The following CDH13 variants were observed in gnomAD, a reference collection of about 807,000 sequenced individuals.
CDH13 encodes cadherin 13.
CDH13 carries 24 observed loss-of-function variants against 63.8 expected under a neutral mutation model. The observed-to-expected ratio is 0.38, with a 90% CI of 0.27 to 0.53. The LOEUF is 0.53. Among genes scored for constraint, CDH13 ranks in the 20% least tolerant of loss-of-function variants. The pLI, the probability that CDH13 is intolerant of heterozygous loss-of-function variation, is 0.85. For missense variants in CDH13, 1,049 were observed against 903.1 expected, an observed-to-expected ratio of 1.16 and a Z score of -2.07; for synonymous variants, 503 against 355.3, an observed-to-expected ratio of 1.42 and a Z score of -4.67.
At chr16:83,081,311 A>G (rs949724267) in intron 3 of CDH13, among the ~76,000 whole-genome samples, 7 of 152,150 alleles carry the variant, frequency 4.6e-5, no homozygotes, top group African/African-American at 1.7e-4. Context: ...TGGGATAGAC[A>G]TGGTCTATAT....
intron 7 of CDH13, among the ~76,000 whole-genome samples, chr16:83,517,207 G>A (rs2074717020): frequency 2.0e-5 from 3 of 152,190 alleles, no homozygotes; most frequent in Admixed American, 6.5e-5. Context: ...GCTTAGAAGT[G>A]CTTGCAAGAC....
chr16:83,625,206 G>GTGTGTGTGTGTGCTCATGTA (rs1555505975), intron 8 of CDH13, among the ~76,000 whole-genome samples: 2 of 149,754 alleles, frequency 1.3e-5, no homozygotes, highest in African/African-American at 5.0e-5. Context: ...GTGTGTGCAT[G>GTGTGTGTGTGTGCTCATGTA]TGTGTGTGCA....
intron 7 of CDH13, among the ~76,000 whole-genome samples, chr16:83,528,629 A>G (rs1161024002): frequency 6.6e-6 from 1 of 152,160 alleles, no homozygotes; most frequent in Non-Finnish European, 1.5e-5. Flanking sequence ...TAAATTCTCC[A>G]ACTGTTTCCA....
intron 2 of CDH13, among the ~76,000 whole-genome samples, chr16:82,959,542 TG>T (rs1906638177): frequency 6.6e-6 from 1 of 152,196 alleles, no homozygotes; most frequent in Non-Finnish European, 1.5e-5. Context: ...CCACAAAAGT[TG>T]GATCTCTCCA....
intron 2 of CDH13, among the ~76,000 whole-genome samples, chr16:82,921,616 A>C (rs2042157246): frequency 6.6e-6 from 1 of 152,192 alleles, no homozygotes; most frequent in Admixed American, 6.5e-5. Flanking sequence ...ACCCATTATC[A>C]GTCTACTAAC....
At chr16:83,628,940 T>A (rs1263632006) in intron 8 of CDH13, among the ~76,000 whole-genome samples, 1 of 152,256 alleles carries the variant, frequency 6.6e-6, no homozygotes, top group Non-Finnish European at 1.5e-5. Context: ...AGGATTGTTG[T>A]ATTTGCACCA....
intron 7 of CDH13, among the ~76,000 whole-genome samples, chr16:83,555,777 G>A (rs1424285175): frequency 6.6e-6 from 1 of 152,202 alleles, no homozygotes; most frequent in African/African-American, 2.4e-5. Flanking sequence ...ATGTTGGATA[G>A]TCTGTCTGCT....
intron 5 of CDH13, among the ~76,000 whole-genome samples, chr16:83,313,487 G>C (rs2090042219): frequency 6.6e-6 from 1 of 151,986 alleles, no homozygotes; most frequent in Admixed American, 6.6e-5. Context: ...GCTAATAATT[G>C]AATAAAGCAA....
chr16:83,421,145 A>T (rs1196413194), intron 6 of CDH13, among the ~76,000 whole-genome samples: 2 of 152,108 alleles, frequency 1.3e-5, no homozygotes, highest in African/African-American at 2.4e-5. Context: ...GAACACTCAT[A>T]TTCCAGTACT....
chr16:83,472,162 A>G (rs916421513), intron 6 of CDH13, among the ~76,000 whole-genome samples: 1 of 152,134 alleles, frequency 6.6e-6, no homozygotes, highest in Non-Finnish European at 1.5e-5. Flanking sequence ...TACTGTCCCC[A>G]CTTAGTACCG....
chr16:83,626,475 G>C (rs1910316850), intron 8 of CDH13, among the ~76,000 whole-genome samples: 1 of 152,138 alleles, frequency 6.6e-6, no homozygotes, highest in Admixed American at 6.5e-5. Flanking sequence ...GTCTTTGCTG[G>C]GGACCTAAAG....
At position 83,093,294 on chromosome 16, in the gene CDH13, C is replaced by CTTTTTT. The variant is rs549590536; in HGVS notation, c.367-32058_367-32053dup. Reference sequence around the variant, plus strand: ...TTGTCCTGTGGAAACACCATAAGTACTTTTTTTTTTTTTTTTTTTTTTTTT... The same window carrying CTTTTTT: ...TTGTCCTGTGGAAACACCATAAGTACTTTTTTTTTTTTTTTTTTTTTTTTTTTTTTT... On this transcript the variant is annotated intron_variant, in intron 3 of 13. Coordinates refer to ENST00000567109, the MANE Select transcript of CDH13 (RefSeq NM_001257.5). Among the ~76,000 whole-genome samples the CTTTTTT allele has an allele frequency of 1.1e-3, 40 of 35,324 alleles. 10 individuals are homozygous for CTTTTTT. Among genetic ancestry groups the CTTTTTT allele is most frequent in the Non-Finnish European group, 1.5e-3 (27 of 17,918 alleles). 23.2% of individuals were successfully genotyped at this position (35,324 alleles called of 152,430 possible). A position where few individuals can be genotyped will look rare whatever the true frequency, so the allele number is the denominator to read the frequency against.
chr16:83,090,304 G>A (rs190257079), intron 3 of CDH13, among the ~76,000 whole-genome samples: 23 of 152,246 alleles, frequency 1.5e-4, no homozygotes, highest in African/African-American at 5.1e-4. Context: ...GGCCGGGCAC[G>A]GTGGCTCATG....
chr16:82,924,906 T>G (rs867576335), intron 2 of CDH13, among the ~76,000 whole-genome samples: 1 of 152,204 alleles, frequency 6.6e-6, no homozygotes, highest in South Asian at 2.1e-4. Flanking sequence ...TAAAGCACTT[T>G]GGAGACACTC....
At chr16:82,705,201 A>T (rs1433440094) in intron 1 of CDH13, 4 of 455,590 alleles carry the variant, frequency 8.8e-6, no homozygotes, top group Non-Finnish European at 8.8e-6. Flanking sequence ...TTATTTCATG[A>T]TGAGCTTTCA....
At chr16:82,688,296 C>G (rs1915289853) in intron 1 of CDH13, among the ~76,000 whole-genome samples, 1 of 152,202 alleles carries the variant, frequency 6.6e-6, no homozygotes, top group African/African-American at 2.4e-5. Context: ...ATCTACAAAT[C>G]TAAGCCCCTA....
At chr16:83,701,133 T>C (rs181531483) in intron 10 of CDH13, among the ~76,000 whole-genome samples, 54 of 152,202 alleles carry the variant, frequency 3.5e-4, no homozygotes, top group African/African-American at 1.3e-3. Context: ...TTACATTCCT[T>C]GCCGAAGCCA....
intron 6 of CDH13, among the ~76,000 whole-genome samples, chr16:83,412,201 C>A (rs957531693): frequency 1.3e-5 from 2 of 152,228 alleles, no homozygotes; most frequent in East Asian, 3.9e-4. Flanking sequence ...GTAGCTCACT[C>A]CTGTAATCCC....
chr16:83,100,791 C>T (rs531292862), intron 3 of CDH13, among the ~76,000 whole-genome samples: 1 of 152,328 alleles, frequency 6.6e-6, no homozygotes, highest in East Asian at 1.9e-4. Context: ...ACACTTGCAG[C>T]ACCCATGGGT....
Sources: allele counts gnomAD v4.1 joint callset (sites outside exome capture counted in the v4.1 genomes callset), GRCh38; gene constraint gnomAD v4.1.1; transcripts MANE v1.5; gene names NCBI Gene and HGNC (gene_info 2026-07-23, HGNC 2026-07-21).